LYPD6: variants seen among roughly 807,000 people sequenced by gnomAD.
LYPD6 encodes LY6/PLAUR domain containing 6.
LYPD6 carries 15 observed loss-of-function variants against 22.7 expected under a neutral mutation model. That is an observed-to-expected ratio of 0.66 (90% CI 0.44 to 1.02). LYPD6 has a LOEUF of 1.02. Among genes scored for constraint, LYPD6 ranks in the 50% least tolerant of loss-of-function variants. The probability of loss-of-function intolerance (pLI) is 0.00; values close to 1 mark genes in which losing one functional copy is unlikely to be tolerated. For missense variants in LYPD6, 189 were observed against 208.4 expected, an observed-to-expected ratio of 0.91 and a Z score of 0.57; for synonymous variants, 72 against 77.5, an observed-to-expected ratio of 0.93 and a Z score of 0.37.
At chr2:149,358,232 C>G (rs1681483206) in intron 1 of LYPD6, among the ~76,000 whole-genome samples, 1 of 152,188 alleles carries the variant, frequency 6.6e-6, no homozygotes, top group African/African-American at 2.4e-5. Flanking sequence ...AATATACTTG[C>G]TGTTTCTTCC....
At position 149,468,781 on chromosome 2, in the gene LYPD6, G is replaced by A. The variant is rs1326098910; in HGVS notation, c.348+6G>A. The A allele has an allele frequency of 1.2e-6, 2 of 1,612,934 alleles. No individual in the cohort carries two copies. The highest frequency in any genetic ancestry group is 2.7e-5 in the African/African-American group (2 of 74,842). On this transcript the variant is annotated splice_donor_region_variant and intron_variant, in intron 4 of 4. Transcript: ENST00000334166. The stretch of plus-strand genomic sequence containing the variant: ...CCGAGCATGAAGGCCACAAGGTCTG[G>A]GCAACAGAGCAAGTGACCAGTACTA...
downstream of LYPD6, among the ~76,000 whole-genome samples, chr2:149,478,403 C>T (rs1037234981): frequency 8.1e-3 from 959 of 118,954 alleles, 11 homozygotes; most frequent in African/African-American, 0.037. Flanking sequence ...TGTGTGTGCG[C>T]GCACGCATGT....
chr2:149,384,902 C>T lies in LYPD6; in HGVS notation c.-71-52736C>T, dbSNP rs542773458. On this transcript the variant is annotated intron_variant, in intron 1 of 4. Transcript: ENST00000334166. ...CCCTCCCCCCACCCCACAACAGTCC[C>T]CAGAGTGTGATGTTCCCCTTCCTGT... Among the ~76,000 whole-genome samples the T allele has an allele frequency of 2.3e-3, 322 of 140,034 alleles. 1 individual carries two copies. Among genetic ancestry groups the T allele is most frequent in the Middle Eastern group, 0.011 (3 of 266 alleles). The allele number at this position is 140,034 out of a possible 152,430, so 91.9% of individuals were successfully genotyped here. A position where few individuals can be genotyped will look rare whatever the true frequency, so the allele number is the denominator to read the frequency against.
intron 1 of LYPD6, among the ~76,000 whole-genome samples, chr2:149,395,885 C>T (rs974040621): frequency 6.6e-6 from 1 of 152,134 alleles, no homozygotes; most frequent in African/African-American, 2.4e-5. Context: ...ACTTTTACTC[C>T]GTGCATTTGT....
At chr2:149,351,030 G>A (rs1219132596) in intron 1 of LYPD6, among the ~76,000 whole-genome samples, 1 of 152,206 alleles carries the variant, frequency 6.6e-6, no homozygotes, top group Non-Finnish European at 1.5e-5. Flanking sequence ...ATAAGGAAAA[G>A]CAGAATGACA....
At chr2:149,453,684 C>T (rs1680885917) in intron 3 of LYPD6, among the ~76,000 whole-genome samples, 1 of 152,204 alleles carries the variant, frequency 6.6e-6, no homozygotes, top group African/African-American at 2.4e-5. Context: ...TGATCCTCAG[C>T]TCAACTGAAG....
At chr2:149,387,830 T>C (rs1461771826) in intron 1 of LYPD6, among the ~76,000 whole-genome samples, 2 of 152,192 alleles carry the variant, frequency 1.3e-5, no homozygotes, top group African/African-American at 4.8e-5. Context: ...TCTTCTCAAT[T>C]GTCTTTGCAT....
At chr2:149,372,297 A>G (rs945966790) in intron 1 of LYPD6, among the ~76,000 whole-genome samples, 1 of 152,146 alleles carries the variant, frequency 6.6e-6, no homozygotes, top group Non-Finnish European at 1.5e-5. Flanking sequence ...TTCCTCTCTT[A>G]AGACTATAAC....
At chr2:149,451,026 C>T (rs1683794769) in intron 3 of LYPD6, among the ~76,000 whole-genome samples, 1 of 152,166 alleles carries the variant, frequency 6.6e-6, no homozygotes, top group South Asian at 2.1e-4. Flanking sequence ...ATATAGGAAG[C>T]GTGTTTTAGT....
At chr2:149,339,111 G>C (rs1681111928) in intron 1 of LYPD6, among the ~76,000 whole-genome samples, 1 of 152,142 alleles carries the variant, frequency 6.6e-6, no homozygotes, top group Admixed American at 6.5e-5. Flanking sequence ...AGGGATAGGA[G>C]CCTAGTGTAT....
chr2:149,424,885 C>T (rs1683157579), intron 1 of LYPD6, among the ~76,000 whole-genome samples: 1 of 152,128 alleles, frequency 6.6e-6, no homozygotes. Context: ...TTTACTTCCT[C>T]CCCAAAGGTT....
chr2:149,475,941 A>G (rs1681444479), downstream of LYPD6, among the ~76,000 whole-genome samples: 1 of 152,204 alleles, frequency 6.6e-6, no homozygotes, highest in South Asian at 2.1e-4. Context: ...CAAGGGTGAC[A>G]TGCATAATGG....
intron 1 of LYPD6, among the ~76,000 whole-genome samples, chr2:149,408,882 A>T (rs1047714797): frequency 3.3e-5 from 5 of 152,206 alleles, no homozygotes; most frequent in African/African-American, 1.2e-4. Context: ...TTAGCTTAAT[A>T]GTCGACTTTC....
At chr2:149,366,150 A>G (rs1681659259) in intron 1 of LYPD6, among the ~76,000 whole-genome samples, 1 of 152,216 alleles carries the variant, frequency 6.6e-6, no homozygotes, top group Non-Finnish European at 1.5e-5. Context: ...TGGGTCATAT[A>G]GATTATATCT....
intron 3 of LYPD6, among the ~76,000 whole-genome samples, chr2:149,462,377 AC>A (rs1364336662): frequency 2.6e-5 from 4 of 151,948 alleles, no homozygotes; most frequent in Non-Finnish European, 4.4e-5. Flanking sequence ...CATGTATAGG[AC>A]TTGTAAGCTG....
intron 1 of LYPD6, among the ~76,000 whole-genome samples, chr2:149,431,371 C>A (rs569619476): frequency 3.0e-4 from 45 of 152,308 alleles, no homozygotes; most frequent in African/African-American, 1.0e-3. Context: ...CTGAACATGT[C>A]CAGCGTCACA....
chr2:149,451,216 C>T (rs547068718), intron 3 of LYPD6, among the ~76,000 whole-genome samples: 1 of 152,274 alleles, frequency 6.6e-6, no homozygotes, highest in Admixed American at 6.5e-5. Context: ...AGGGGAGGAA[C>T]ACTGTGGCCT....
intron 1 of LYPD6, among the ~76,000 whole-genome samples, chr2:149,415,350 T>G (rs1259835155): frequency 6.6e-6 from 1 of 152,134 alleles, no homozygotes; most frequent in African/African-American, 2.4e-5. Context: ...TAGATCCCCC[T>G]CTGCCTGGCT....
intron 1 of LYPD6, among the ~76,000 whole-genome samples, chr2:149,430,422 G>T (rs1393055317): frequency 6.6e-6 from 1 of 152,098 alleles, no homozygotes; most frequent in African/African-American, 2.4e-5. Context: ...TTTAAAGCAG[G>T]GCATATCTTG....
Sources: allele counts gnomAD v4.1 joint callset (sites outside exome capture counted in the v4.1 genomes callset), GRCh38; gene constraint gnomAD v4.1.1; transcripts MANE v1.5; gene names NCBI Gene and HGNC (gene_info 2026-07-23, HGNC 2026-07-21).